RGS6: variants seen among roughly 807,000 people sequenced by gnomAD.
RGS6 encodes the protein regulator of G protein signaling 6, also known as regulator of G-protein signaling 6.
In RGS6, 30 loss-of-function variants were observed where a neutral mutation model predicts 78.5. The ratio of observed to expected loss-of-function variants is 0.38; its 90% CI spans 0.29 to 0.52. The LOEUF is 0.52. Ranked by LOEUF, RGS6 falls within the 20% of genes least tolerant of loss-of-function variation. The pLI, the probability that RGS6 is intolerant of heterozygous loss-of-function variation, is 0.85. For missense variants in RGS6, 495 were observed against 609.7 expected (o/e 0.81, Z 1.98); for synonymous variants, 206 against 206.0 (o/e 1.00, Z 0.00).
chr14:72,177,181 G>A (rs2097115945), intron 2 of RGS6, among the ~76,000 whole-genome samples: 1 of 152,032 alleles, frequency 6.6e-6, no homozygotes, highest in Admixed American at 6.6e-5. Context: ...AAATGAAACT[G>A]CCGTGAACAT....
chr14:71,912,151 A>G, the RGS6 span, among the ~76,000 whole-genome samples: 7 of 152,318 alleles, frequency 4.6e-5, no homozygotes, highest in East Asian at 1.4e-3. Context: ...TGTTATGTCA[A>G]AGTGGCAACG....
At chr14:72,262,921 G>A (rs2058421485) in intron 2 of RGS6, among the ~76,000 whole-genome samples, 1 of 152,062 alleles carries the variant, frequency 6.6e-6, no homozygotes. Context: ...TCCTTTTCCT[G>A]TGGTGGCATT....
chr14:72,610,775 C>T, the RGS6 span, among the ~76,000 whole-genome samples: 4 of 152,210 alleles, frequency 2.6e-5, no homozygotes, highest in African/African-American at 9.6e-5. Context: ...AGGTTCATCC[C>T]TCAAGGAGCT....
intron 3 of RGS6, among the ~76,000 whole-genome samples, chr14:72,441,697 G>A (rs1221479806): frequency 6.6e-6 from 1 of 152,248 alleles, no homozygotes; most frequent in Non-Finnish European, 1.5e-5. Context: ...ATGTCCTGTG[G>A]TGGCATCAGA....
intron 2 of RGS6, among the ~76,000 whole-genome samples, chr14:72,059,961 A>T (rs2093809882): frequency 6.6e-6 from 1 of 152,100 alleles, no homozygotes; most frequent in Non-Finnish European, 1.5e-5. Context: ...AGACTGAGAG[A>T]CCTCTGCTGG....
chr14:72,557,919 C>A (rs546753769), intron 17 of RGS6, among the ~76,000 whole-genome samples: 1 of 152,266 alleles, frequency 6.6e-6, no homozygotes, highest in Admixed American at 6.5e-5. Flanking sequence ...ATGGGCCCAG[C>A]AACTGAAGAA....
chr14:71,921,206 G>A, the RGS6 span, among the ~76,000 whole-genome samples: 1 of 152,148 alleles, frequency 6.6e-6, no homozygotes, highest in African/African-American at 2.4e-5. Context: ...AAAAATAAGT[G>A]TTAGCAAGGG....
At chr14:72,603,466 C>T in the RGS6 span, among the ~76,000 whole-genome samples, 1 of 152,264 alleles carries the variant, frequency 6.6e-6, no homozygotes, top group Admixed American at 6.5e-5. Context: ...GCTCCACTCC[C>T]CACACCACTG....
At chr14:72,567,975 G>A (rs1455106193), downstream of RGS6, among the ~76,000 whole-genome samples, 1 of 152,194 alleles carries the variant, frequency 6.6e-6, no homozygotes, top group Non-Finnish European at 1.5e-5. Flanking sequence ...GAGGAGCAGG[G>A]CCCCCTGGCC....
intron 2 of RGS6, among the ~76,000 whole-genome samples, chr14:72,314,122 G>T (rs2069390446): frequency 6.6e-6 from 1 of 152,208 alleles, no homozygotes; most frequent in Non-Finnish European, 1.5e-5. Context: ...CATAGTTACT[G>T]TGTTCATTGG....
chr14:72,118,093 C>A (rs2095948725), intron 2 of RGS6, among the ~76,000 whole-genome samples: 1 of 152,068 alleles, frequency 6.6e-6, no homozygotes, highest in Non-Finnish European at 1.5e-5. Flanking sequence ...CCACTTGTTT[C>A]TGGTGCTCGT....
At chr14:71,899,748 G>C in the RGS6 span, among the ~76,000 whole-genome samples, 12,354 of 152,216 alleles carry the variant, frequency 0.081, 1,315 homozygotes, top group African/African-American at 0.24. Context: ...AACTTCTATA[G>C]TTATTTAGCC....
chr14:72,588,571 C>A, the RGS6 span, among the ~76,000 whole-genome samples: 2 of 152,276 alleles, frequency 1.3e-5, no homozygotes, highest in South Asian at 4.1e-4. Flanking sequence ...GAGAGCCTCA[C>A]CCCTTCCCCC....
intron 2 of RGS6, among the ~76,000 whole-genome samples, chr14:72,096,324 G>T (rs1336939561): frequency 4.6e-5 from 7 of 151,464 alleles, no homozygotes; most frequent in African/African-American, 1.7e-4. Flanking sequence ...GTATGAAATA[G>T]AGCTTATTAA....
At chr14:72,180,435 G>A (rs192013075) in intron 2 of RGS6, among the ~76,000 whole-genome samples, 89 of 152,294 alleles carry the variant, frequency 5.8e-4, no homozygotes, top group African/African-American at 2.1e-3. Context: ...GACAGATGAA[G>A]GCAACTTCGA....
chr14:72,217,929 A>C (rs752507666), intron 2 of RGS6, among the ~76,000 whole-genome samples: 1 of 152,198 alleles, frequency 6.6e-6, no homozygotes, highest in Non-Finnish European at 1.5e-5. Context: ...AAACACCCAC[A>C]TACATATGTG....
intron 2 of RGS6, among the ~76,000 whole-genome samples, chr14:72,049,449 A>G (rs765804183): frequency 6.6e-6 from 1 of 152,210 alleles, no homozygotes; most frequent in African/African-American, 2.4e-5. Context: ...AAAATGGTGC[A>G]AGTCTCTCGT....
the RGS6 span, among the ~76,000 whole-genome samples, chr14:71,873,652 T>C: frequency 6.6e-6 from 1 of 152,332 alleles, no homozygotes; most frequent in Non-Finnish European, 1.5e-5. Flanking sequence ...TTTAATTAGA[T>C]CCCATTTCTC....
At chr14:72,003,082 T>G (rs2083798337) in intron 2 of RGS6, among the ~76,000 whole-genome samples, 4 of 152,224 alleles carry the variant, frequency 2.6e-5, no homozygotes, top group Admixed American at 2.6e-4. Context: ...GTATTTTGTT[T>G]CTATATTTTG....
Sources: allele counts gnomAD v4.1 joint callset (sites outside exome capture counted in the v4.1 genomes callset), GRCh38; gene constraint gnomAD v4.1.1; transcripts MANE v1.5; gene names NCBI Gene and HGNC (gene_info 2026-07-23, HGNC 2026-07-21).